The following CIMAP2 variants were observed in gnomAD, a reference collection of about 807,000 sequenced individuals.
CIMAP2 encodes ciliary microtubule associated protein 2.
chr1:54,813,993 G>A, the CIMAP2 span: 1 of 1,568,146 alleles, frequency 6.4e-7, no homozygotes, highest in South Asian at 1.2e-5. Context: ...CACTCCTATG[G>A]CCGGCCTTCC....
At chr1:54,819,432 A>T in the CIMAP2 span, among the ~76,000 whole-genome samples, 4 of 152,182 alleles carry the variant, frequency 2.6e-5, no homozygotes, top group African/African-American at 9.7e-5. Context: ...GTAGTGGCAC[A>T]ATCATAGCTC....
At chr1:54,826,758 C>T in the CIMAP2 span, among the ~76,000 whole-genome samples, 1 of 152,230 alleles carries the variant, frequency 6.6e-6, no homozygotes, top group Non-Finnish European at 1.5e-5. Context: ...TTTCCTGGCT[C>T]TGAGCTGATC....
the CIMAP2 span, among the ~76,000 whole-genome samples, chr1:54,811,153 G>A: frequency 6.6e-6 from 1 of 152,220 alleles, no homozygotes; most frequent in Non-Finnish European, 1.5e-5. Context: ...GAAGGCCTGA[G>A]GTCACTCAGC....
chr1:54,811,447 G>T, the CIMAP2 span, among the ~76,000 whole-genome samples: 1 of 152,116 alleles, frequency 6.6e-6, no homozygotes, highest in African/African-American at 2.4e-5. Context: ...GTTACAGCAT[G>T]AGCCAATGAG....
At chr1:54,807,943 C>T in the CIMAP2 span, 38 of 1,609,462 alleles carry the variant, frequency 2.4e-5, no homozygotes, top group Middle Eastern at 1.7e-4. Flanking sequence ...AGAACAGCTG[C>T]GGGAGAAACC....
At chr1:54,841,418 G>T in the CIMAP2 span, among the ~76,000 whole-genome samples, 4 of 152,030 alleles carry the variant, frequency 2.6e-5, no homozygotes, top group African/African-American at 9.7e-5. Context: ...TGAGGTCAGG[G>T]CTTACATTCT....
At chr1:54,806,250 C>A in the CIMAP2 span, 1 of 1,489,320 alleles carries the variant, frequency 6.7e-7, no homozygotes, top group Non-Finnish European at 8.9e-7. Context: ...TGGGCTCACG[C>A]CCACGGTCCA....
chr1:54,814,063 A>C, the CIMAP2 span: 1 of 1,426,826 alleles, frequency 7.0e-7, no homozygotes. Flanking sequence ...CTAATTTCAT[A>C]GGGAATAGCT....
the CIMAP2 span, among the ~76,000 whole-genome samples, chr1:54,830,772 C>T: frequency 3.3e-5 from 5 of 152,172 alleles, no homozygotes; most frequent in Non-Finnish European, 7.3e-5. The surrounding 1 kb of genome is among the most constrained non-coding windows in gnomAD (Gnocchi z 4.1). Context: ...GCTGCCAATT[C>T]CTTAGTCTTT....
the CIMAP2 span, chr1:54,811,768 T>TGGGGGGGGGG: frequency 1.9e-6 from 1 of 533,354 alleles, no homozygotes; most frequent in Non-Finnish European, 3.7e-6. Flanking sequence ...TCTGACAGCC[T>TGGGGGGGGGG]CCATGCCCCC....
the CIMAP2 span, among the ~76,000 whole-genome samples, chr1:54,832,993 C>T: frequency 1.1e-3 from 168 of 152,072 alleles, 1 homozygote; most frequent in African/African-American, 3.9e-3. Flanking sequence ...TGCCACCACA[C>T]TCCAGCCTGT....
the CIMAP2 span, chr1:54,814,979 A>G: frequency 6.2e-7 from 1 of 1,614,118 alleles, no homozygotes; most frequent in South Asian, 1.1e-5. Context: ...ACCAGCCCCC[A>G]TTCCTGTTGA....
At chr1:54,840,208 G>C in the CIMAP2 span, among the ~76,000 whole-genome samples, 29,664 of 152,192 alleles carry the variant, frequency 0.19, 3,014 homozygotes, top group East Asian at 0.34. Flanking sequence ...GCCTTTTCCA[G>C]AATGTCATAT....
At chr1:54,835,496 G>A in the CIMAP2 span, among the ~76,000 whole-genome samples, 2 of 152,144 alleles carry the variant, frequency 1.3e-5, no homozygotes, top group African/African-American at 4.8e-5. Flanking sequence ...GCCAGACAAA[G>A]TGATTTTGTA....
At chr1:54,807,925 G>T in the CIMAP2 span, 26 of 1,607,892 alleles carry the variant, frequency 1.6e-5, no homozygotes, top group Non-Finnish European at 2.2e-5. Context: ...CAACCTCAAA[G>T]ACTTCTTAGA....
the CIMAP2 span, among the ~76,000 whole-genome samples, chr1:54,820,017 T>TTTCCTTCC: frequency 2.4e-5 from 3 of 123,698 alleles, no homozygotes; most frequent in African/African-American, 1.0e-4. Flanking sequence ...CTTTTCCTTC[T>TTTCCTTCC]TTCCTTCCTT....
the CIMAP2 span, among the ~76,000 whole-genome samples, chr1:54,820,026 T>C: frequency 7.1e-6 from 1 of 141,482 alleles, no homozygotes. Flanking sequence ...CTTTCCTTCC[T>C]TCCTTCCTTC....
At chr1:54,821,589 G>A in the CIMAP2 span, among the ~76,000 whole-genome samples, 5 of 151,990 alleles carry the variant, frequency 3.3e-5, no homozygotes, top group African/African-American at 1.2e-4. Context: ...TCAGTGTTTT[G>A]CAGTTTCCAT....
chr1:54,813,814 A>G, the CIMAP2 span: 72 of 1,581,088 alleles, frequency 4.6e-5, no homozygotes, highest in South Asian at 2.8e-4. Context: ...TTTTTCTTAG[A>G]AAAAAAAGCC....
Sources: allele counts gnomAD v4.1 joint callset (sites outside exome capture counted in the v4.1 genomes callset), GRCh38; gene constraint gnomAD v4.1.1; non-coding constraint Gnocchi (gnomAD v3.1); transcripts MANE v1.5; gene names NCBI Gene and HGNC (gene_info 2026-07-23, HGNC 2026-07-21).